ANK2: variants seen among roughly 807,000 people sequenced by gnomAD.
ANK2 encodes the protein ankyrin 2, also known as ankyrin-2.
In ANK2, 83 loss-of-function variants were observed where a neutral mutation model predicts 360.5. The ratio of observed to expected loss-of-function variants is 0.23; its 90% CI spans 0.19 to 0.28. The LOEUF is 0.28. Among genes scored for constraint, ANK2 ranks in the 10% least tolerant of loss-of-function variants. The pLI, the probability that ANK2 is intolerant of heterozygous loss-of-function variation, is 1.00. For synonymous variants in ANK2, 1,740 were observed against 1,759.5 expected, an observed-to-expected ratio of 0.99 and a Z score of 0.28; for missense variants, 4,201 against 4,795.7, an observed-to-expected ratio of 0.88 and a Z score of 3.66.
the ANK2 span, among the ~76,000 whole-genome samples, chr4:112,812,984 A>C: frequency 2.6e-5 from 4 of 152,234 alleles, no homozygotes; most frequent in Admixed American, 2.6e-4. Context: ...TCATACCTGT[A>C]ATCTCAGCAC....
At position 113,264,671 on chromosome 4, in the gene ANK2, G is replaced by C. The variant is rs115923415; in HGVS notation, c.1387-226G>C. ...CTGGAGGTGGAGGTTGTGGTGAGCC[G>C]AGATGTTGCCATTGCACTCCAGCCT... On this transcript the variant is annotated intron_variant, in intron 13 of 45. Coordinates refer to ENST00000357077, the MANE Select transcript of ANK2 (RefSeq NM_001148.6). Among the ~76,000 whole-genome samples the C allele has an allele frequency of 0.028, 4,272 of 150,284 alleles. 99 individuals are homozygous for C. The highest frequency in any genetic ancestry group is 0.068 in the East Asian group (350 of 5,142).
chr4:112,800,737 C>T, the ANK2 span, among the ~76,000 whole-genome samples: 1 of 152,146 alleles, frequency 6.6e-6, no homozygotes, highest in Non-Finnish European at 1.5e-5. Context: ...TGACTGCAAC[C>T]TCCGCATCCC....
At chr4:112,950,183 T>C (rs2094844541) in intron 2 of ANK2, among the ~76,000 whole-genome samples, 1 of 152,150 alleles carries the variant, frequency 6.6e-6, no homozygotes, top group Admixed American at 6.5e-5. Context: ...TATAAGCTTT[T>C]TGAGGTCAGA....
At chr4:113,083,201 C>T (rs535664927) in intron 1 of ANK2, among the ~76,000 whole-genome samples, 2 of 152,154 alleles carry the variant, frequency 1.3e-5, no homozygotes, top group East Asian at 3.9e-4. Context: ...TTTTGAGAGA[C>T]AGTGTCTCAC....
intron 2 of ANK2, among the ~76,000 whole-genome samples, chr4:113,181,993 AG>A (rs60147755): frequency 0.48 from 73,083 of 151,954 alleles, 18,095 homozygotes; most frequent in African/African-American, 0.6. Flanking sequence ...TCAGGCTGAA[AG>A]GGAACAAGGG....
intron 1 of ANK2, among the ~76,000 whole-genome samples, chr4:112,885,099 G>A (rs1218034983): frequency 6.6e-6 from 1 of 152,146 alleles, no homozygotes; most frequent in African/African-American, 2.4e-5. Flanking sequence ...GCATTTTTAT[G>A]TGGGTTTTTG....
intron 1 of ANK2, among the ~76,000 whole-genome samples, chr4:113,151,653 A>C (rs1471627739): frequency 6.6e-6 from 1 of 152,174 alleles, no homozygotes; most frequent in Non-Finnish European, 1.5e-5. Context: ...AAACCACAGC[A>C]TTGGTATAAA....
intron 1 of ANK2, among the ~76,000 whole-genome samples, chr4:113,068,074 ATC>A (rs2076250308): frequency 6.6e-6 from 1 of 152,158 alleles, no homozygotes; most frequent in Non-Finnish European, 1.5e-5. Flanking sequence ...AAAACATAGC[ATC>A]TCTCTCTATG....
At chr4:113,117,179 C>A in intron 1 of ANK2, 1 of 399,584 alleles carries the variant, frequency 2.5e-6, no homozygotes, top group Admixed American at 2.9e-5. Context: ...TGGCTGCCAG[C>A]CATTGCCCTG....
chr4:113,174,165 A>G (rs1273321526), intron 1 of ANK2: 1 of 379,214 alleles, frequency 2.6e-6, no homozygotes, highest in Non-Finnish European at 5.1e-6. Flanking sequence ...AGCAGTAACA[A>G]TTATTTCCAT....
chr4:112,784,350 A>ATTTTTTT, the ANK2 span, among the ~76,000 whole-genome samples: 1 of 69,522 alleles, frequency 1.4e-5, no homozygotes, highest in Non-Finnish European at 2.8e-5. Flanking sequence ...ACCCTGACTG[A>ATTTTTTT]TTTTTTTTTT....
intron 1 of ANK2, among the ~76,000 whole-genome samples, chr4:113,155,372 G>A (rs778610434): frequency 6.6e-6 from 1 of 152,092 alleles, no homozygotes; most frequent in Admixed American, 6.6e-5. Flanking sequence ...GATAGAACCA[G>A]GATTAGAAAG....
chr4:112,817,306 G>A (rs568201769), upstream of ANK2, among the ~76,000 whole-genome samples: 33 of 152,198 alleles, frequency 2.2e-4, no homozygotes, highest in African/African-American at 7.9e-4. Context: ...AGTAGAATTA[G>A]AAGCTCTGTA....
At chr4:113,036,889 T>A (rs1214613017) in intron 2 of ANK2, among the ~76,000 whole-genome samples, 1 of 151,892 alleles carries the variant, frequency 6.6e-6, no homozygotes, top group East Asian at 1.9e-4. Context: ...AGTACACACA[T>A]ACTTATTGCC....
chr4:112,935,211 T>G (rs2093631789), intron 2 of ANK2, among the ~76,000 whole-genome samples: 1 of 151,982 alleles, frequency 6.6e-6, no homozygotes, highest in Non-Finnish European at 1.5e-5. Context: ...TCTAGTGAGA[T>G]AGGGTGCCAC....
intron 2 of ANK2, among the ~76,000 whole-genome samples, chr4:113,003,788 C>A (rs1299609578): frequency 3.3e-5 from 5 of 152,168 alleles, no homozygotes; most frequent in African/African-American, 1.2e-4. Context: ...TATGTTCTGA[C>A]AAATTCATCC....
intron 37 of ANK2, 43 bp downstream of exon 37, chr4:113,350,292 C>G: frequency 6.4e-7 from 1 of 1,560,834 alleles, no homozygotes; most frequent in Non-Finnish European, 8.8e-7. Flanking sequence ...AAGCTGGCTA[C>G]CATAAAAAGA....
intron 1 of ANK2, among the ~76,000 whole-genome samples, chr4:113,077,894 C>G (rs895765008): frequency 6.6e-6 from 1 of 152,180 alleles, no homozygotes; most frequent in African/African-American, 2.4e-5. Flanking sequence ...CAGACACCAC[C>G]CAGGATGGCT....
At chr4:112,947,196 T>A (rs2094598478) in intron 2 of ANK2, among the ~76,000 whole-genome samples, 1 of 152,212 alleles carries the variant, frequency 6.6e-6, no homozygotes. Flanking sequence ...CTTCAATGAA[T>A]AGCTGATTTT....
Sources: allele counts gnomAD v4.1 joint callset (sites outside exome capture counted in the v4.1 genomes callset), GRCh38; gene constraint gnomAD v4.1.1; transcripts MANE v1.5; gene names NCBI Gene and HGNC (gene_info 2026-07-23, HGNC 2026-07-21).